The following RECK variants were observed in gnomAD, a reference collection of about 807,000 sequenced individuals.
The protein encoded by RECK is reversion-inducing cysteine-rich protein with Kazal motifs.
A neutral mutation model predicts 115.1 loss-of-function variants in RECK; 69 were observed. That is an observed-to-expected ratio of 0.60 (90% CI 0.49 to 0.73). RECK has a LOEUF of 0.73. RECK is among the 30% of genes least tolerant of loss of function. The pLI, the probability that RECK is intolerant of heterozygous loss-of-function variation, is 0.00. For missense variants in RECK, 1,047 were observed against 1,203.7 expected, an observed-to-expected ratio of 0.87 and a Z score of 1.93; for synonymous variants, 414 against 419.7, an observed-to-expected ratio of 0.99 and a Z score of 0.17.
Position 36,045,819 on chromosome 9 carries a change from A to G in RECK, c.101-6446A>G, listed in dbSNP as rs1224371746. Among the ~76,000 whole-genome samples the G allele has an allele frequency of 2.0e-5, 3 of 152,096 alleles. No homozygotes were observed. In the East Asian group the frequency reaches 5.8e-4, roughly 29 times the overall value. On this transcript the variant is annotated intron_variant, in intron 1 of 20. Transcript: ENST00000377966. Reference sequence around the variant, plus strand: ...TGGCTGGAGCATGTGCTTCCTGCTTACTTGCCTGTCTTTAGTATACACATG... The same window carrying G: ...TGGCTGGAGCATGTGCTTCCTGCTTGCTTGCCTGTCTTTAGTATACACATG...
At chr9:36,058,780 T>C in intron 2 of RECK, 47 bp from the exon 3 acceptor site, 1 of 1,429,526 alleles carries the variant, frequency 7.0e-7, no homozygotes, top group Non-Finnish European at 9.6e-7. Context: ...CTCTTCTTAT[T>C]TCTTATAGAA....
In RECK at chr9:36,110,088, G is replaced by A. The variant is rs757806741; in HGVS notation, c.1888+9G>A. On this transcript the variant is annotated intron_variant, in intron 15 of 20. Coordinates refer to ENST00000377966, the MANE Select transcript of RECK (RefSeq NM_021111.3). ...CCGTCGTACCTTCACAGGTGACTGT[G>A]ATCGCCCAGAGTCTGTCCTCAGGGG... The A allele has an allele frequency of 1.3e-6, 2 of 1,594,714 alleles. No homozygotes were observed. The highest frequency in any genetic ancestry group is 1.1e-5 in the South Asian group (1 of 90,486).
intron 4 of RECK, among the ~76,000 whole-genome samples, chr9:36,060,694 T>G (rs1246392705): frequency 7.9e-5 from 12 of 152,168 alleles, no homozygotes; most frequent in Non-Finnish European, 1.5e-5. Flanking sequence ...TATGGTTATT[T>G]CTGTGTGTGG....
At chr9:36,066,840 G>GT in intron 6 of RECK, 1 of 1,289,488 alleles carries the variant, frequency 7.8e-7, no homozygotes, top group Non-Finnish European at 1.0e-6. Context: ...AAGTCTGCCA[G>GT]TATGTGTTGA....
chr9:36,118,992 C>G (rs768428115), intron 18 of RECK, 25 bp downstream of exon 18: 1 of 1,599,470 alleles, frequency 6.3e-7, no homozygotes. Flanking sequence ...TCGGGGTGGA[C>G]AGGGGAGGAC....
chr9:36,123,974 T>A lies in RECK; in HGVS notation c.*929T>A, dbSNP rs1049853621. 3 of 152,694 alleles carry A rather than the reference T, an allele frequency of 2.0e-5. No individual in the cohort carries two copies. Among genetic ancestry groups the A allele is most frequent in the Non-Finnish European group, 2.9e-5 (2 of 68,048 alleles). The allele number at this position is 152,694 out of a possible 1,614,324, so 9.5% of individuals were successfully genotyped here. On this transcript the variant is annotated 3_prime_UTR_variant, in exon 21 of 21. Transcript: ENST00000377966. ...AGCCATATTTGTAAAATGACAATCATGTGTGTTAACCCAGTGCTTTCCATT... is the reference window on the plus strand; with the variant it reads ...AGCCATATTTGTAAAATGACAATCAAGTGTGTTAACCCAGTGCTTTCCATT...
intron 16 of RECK, among the ~76,000 whole-genome samples, chr9:36,115,042 C>T (rs758011478): frequency 3.9e-5 from 6 of 151,972 alleles, no homozygotes; most frequent in Non-Finnish European, 8.8e-5. Flanking sequence ...TGGCCGGGCA[C>T]GGTGGCTCAT....
intron 4 of RECK, among the ~76,000 whole-genome samples, chr9:36,062,348 A>G (rs550618634): frequency 1.3e-5 from 2 of 152,080 alleles, no homozygotes; most frequent in South Asian, 4.2e-4. Flanking sequence ...TTTAGTGGAG[A>G]CGAGGTTTCA....
intron 7 of RECK, among the ~76,000 whole-genome samples, chr9:36,083,013 C>G (rs1427216388): frequency 6.6e-6 from 1 of 152,164 alleles, no homozygotes; most frequent in Non-Finnish European, 1.5e-5. Flanking sequence ...TTTTGAGAGA[C>G]AGTGTTTGTT....
At position 36,118,854 on chromosome 9, in the gene RECK, A is replaced by G. The variant is rs199917585; in HGVS notation, c.2351A>G (p.Tyr784Cys). Residue 784 changes from tyrosine to cysteine, a missense_variant, in exon 18 of 21, where the codon TAT becomes TGT. Physicochemically the swap from Tyr to Cys is radical, Grantham distance 194 (BLOSUM62 -2). Coordinates refer to ENST00000377966, the MANE Select transcript of RECK (RefSeq NM_021111.3). ...AYSDRVAVDYYGDCQAVGVLS... is the reference protein window; with the variant it reads ...AYSDRVAVDYCGDCQAVGVLS... Reference sequence around the variant, plus strand: ...TCGGATCGCGTGGCAGTCGATTACTATGGGGACTGCCAGGCCGTCGGAGTC... The same window carrying G: ...TCGGATCGCGTGGCAGTCGATTACTGTGGGGACTGCCAGGCCGTCGGAGTC... 9 of 1,614,108 alleles carry G rather than the reference A, an allele frequency of 5.6e-6. No individual in the cohort carries two copies. Among genetic ancestry groups the G allele is most frequent in the Admixed American group, 1.7e-5 (1 of 60,018 alleles).
intron 1 of RECK, among the ~76,000 whole-genome samples, chr9:36,038,467 A>C: frequency 6.6e-6 from 1 of 152,220 alleles, no homozygotes; most frequent in East Asian, 1.9e-4. Flanking sequence ...TTGAACTGAA[A>C]CACTTACAAA....
intron 16 of RECK, among the ~76,000 whole-genome samples, chr9:36,116,750 G>T (rs996217324): frequency 6.6e-6 from 1 of 152,108 alleles, no homozygotes; most frequent in Non-Finnish European, 1.5e-5. Context: ...CTTTCTTCAG[G>T]CTCCCCAGAC....
intron 18 of RECK, among the ~76,000 whole-genome samples, chr9:36,119,636 C>T (rs1824383328): frequency 6.6e-6 from 1 of 152,154 alleles, no homozygotes; most frequent in East Asian, 1.9e-4. Context: ...TTAGCTTTCA[C>T]TATGTGCCAG....
chr9:36,112,732 T>G (rs1824108138), intron 16 of RECK, among the ~76,000 whole-genome samples: 2 of 152,164 alleles, frequency 1.3e-5, no homozygotes, highest in Admixed American at 1.3e-4. Flanking sequence ...CCTAGCTGAA[T>G]CTAGAAAGAT....
intron 16 of RECK, among the ~76,000 whole-genome samples, chr9:36,112,912 A>G (rs569600066): frequency 1.6e-4 from 25 of 152,362 alleles, no homozygotes; most frequent in African/African-American, 5.8e-4. Flanking sequence ...CAGAAAAGGT[A>G]ACATAAGGAG....
Position 36,091,220 on chromosome 9 carries a change from A to T in RECK, c.962A>T (p.Glu321Val). ...MSWGNTQSWQ[E>V]FDRFCEYNPV... is the part of the protein sequence containing the mutation. ...TGGGGCAATACACAGAGTTGGCAAG[A>T]GTTTGATCGCTTTTGTGAATATAAT... Residue 321 changes from glutamate to valine, a missense_variant, in exon 10 of 21, where the codon GAG becomes GTG. Glu to Val is a moderately radical substitution (Grantham distance 121). Transcript: ENST00000377966. 6.2e-7 allele frequency: 1 copy of T among 1,614,098 alleles called. No homozygotes were observed. Among genetic ancestry groups the T allele is most frequent in the Non-Finnish European group, 8.5e-7 (1 of 1,179,966 alleles).
chr9:36,040,186 A>G (rs573240722), intron 1 of RECK, among the ~76,000 whole-genome samples: 1 of 152,374 alleles, frequency 6.6e-6, no homozygotes, highest in East Asian at 1.9e-4. Context: ...ATAGACAATA[A>G]ATAGATAAAT....
Position 36,118,893 on chromosome 9 carries a change from G to A in RECK, c.2390G>A (p.Ser797Asn). 6.2e-7 allele frequency: 1 copy of A among 1,613,866 alleles called. No homozygotes were observed. Among genetic ancestry groups the A allele is most frequent in the Non-Finnish European group, 8.5e-7 (1 of 1,180,036 alleles). Residue 797 changes from serine (S) to asparagine (N), a missense_variant, in exon 18 of 21, where the codon AGC (serine) becomes AAC (asparagine). Ser to Asn is a conservative substitution (Grantham distance 46). Coordinates refer to ENST00000377966, the MANE Select transcript of RECK (RefSeq NM_021111.3). ...GCCGTCGGAGTCCTCTCAGAGCACA[G>A]CTCCGTCGCCGAGTGTGCTTCTGTC... is the stretch of plus-strand genomic sequence containing the variant. ...CQAVGVLSEH[S>N]SVAECASVKC...
At chr9:36,058,528 G>C (rs1241865489) in intron 2 of RECK, among the ~76,000 whole-genome samples, 1 of 140,840 alleles carries the variant, frequency 7.1e-6, no homozygotes, top group Admixed American at 7.1e-5. Context: ...GGGAGGGATA[G>C]CACTGGGAGA....
Sources: gnomAD v4.1 joint callset for allele counts (sites outside exome capture counted in the v4.1 genomes callset) on GRCh38, gnomAD v4.1.1 for gene constraint, MANE v1.5 for transcripts, NCBI Gene and HGNC (gene_info 2026-07-23, HGNC 2026-07-21) for gene names.